The following STPG2 variants were observed in gnomAD, a reference collection of about 807,000 sequenced individuals.
STPG2 encodes sperm tail PG-rich repeat containing 2.
In STPG2, 56 loss-of-function variants were observed where a neutral mutation model predicts 54.2. The ratio of observed to expected loss-of-function variants is 1.03; its 90% CI spans 0.83 to 1.29. The LOEUF is 1.29. STPG2 is among the 50% of genes most tolerant of loss of function. STPG2 has a pLI of 0.00. For missense variants in STPG2, 596 were observed against 544.9 expected, an observed-to-expected ratio of 1.09 and a Z score of -0.93; for synonymous variants, 200 against 181.8, an observed-to-expected ratio of 1.10 and a Z score of -0.81.
At chr4:97,884,465 C>T (rs1350644524) in intron 8 of STPG2, among the ~76,000 whole-genome samples, 1 of 152,022 alleles carries the variant, frequency 6.6e-6, no homozygotes, top group Non-Finnish European at 1.5e-5. Flanking sequence ...TACAGAAAAA[C>T]CATGTGAAGA....
intron 8 of STPG2, among the ~76,000 whole-genome samples, chr4:97,902,255 G>C (rs1337200226): frequency 6.6e-6 from 1 of 152,092 alleles, no homozygotes; most frequent in African/African-American, 2.4e-5. Context: ...ATAATCTCAT[G>C]GATCTGAGAT....
intron 1 of STPG2, among the ~76,000 whole-genome samples, chr4:98,135,244 A>C (rs186505744): frequency 6.6e-6 from 1 of 151,922 alleles, no homozygotes; most frequent in East Asian, 1.9e-4. Context: ...GTGCTACTGT[A>C]AGAATGTATG....
chr4:97,767,978 C>T (rs1010511360), intron 9 of STPG2, among the ~76,000 whole-genome samples: 7 of 152,058 alleles, frequency 4.6e-5, no homozygotes, highest in Admixed American at 2.6e-4. Context: ...TCATCCTGGC[C>T]AACATGGTGA....
At chr4:97,908,517 A>G (rs1731541352) in intron 8 of STPG2, among the ~76,000 whole-genome samples, 1 of 151,948 alleles carries the variant, frequency 6.6e-6, no homozygotes, top group South Asian at 2.1e-4. Context: ...ATTACTGGGT[A>G]TATACCCAAA....
intron 5 of STPG2, among the ~76,000 whole-genome samples, chr4:98,094,100 G>A (rs34164616): frequency 0.4 from 60,158 of 151,910 alleles, 12,146 homozygotes; most frequent in Middle Eastern, 0.46. Flanking sequence ...AGCTTGTGCC[G>A]TGCCTCCCAC....
intron 4 of STPG2, among the ~76,000 whole-genome samples, chr4:97,455,413 C>A (rs745761893): frequency 6.6e-6 from 1 of 151,932 alleles, no homozygotes; most frequent in South Asian, 2.1e-4. Flanking sequence ...GAGACACAAG[C>A]GGCTGGATGT....
intron 8 of STPG2, among the ~76,000 whole-genome samples, chr4:97,939,137 T>A (rs760480807): frequency 6.6e-6 from 1 of 152,230 alleles, no homozygotes; most frequent in Non-Finnish European, 1.5e-5. Context: ...TTTTTTATAG[T>A]CTTGACATCT....
At chr4:97,628,265 A>G (rs1734184810) in intron 10 of STPG2, among the ~76,000 whole-genome samples, 1 of 152,130 alleles carries the variant, frequency 6.6e-6, no homozygotes, top group Non-Finnish European at 1.5e-5. Context: ...TGTGAGACTG[A>G]GTAAGACATC....
intron 9 of STPG2, among the ~76,000 whole-genome samples, chr4:97,795,505 G>T (rs755909088): frequency 5.2e-4 from 79 of 152,278 alleles, no homozygotes; most frequent in South Asian, 8.3e-4. Context: ...CTTCATCCAT[G>T]TCCCTACAAA....
At chr4:97,906,895 C>A (rs1482097548) in intron 8 of STPG2, among the ~76,000 whole-genome samples, 1 of 151,986 alleles carries the variant, frequency 6.6e-6, no homozygotes, top group South Asian at 2.1e-4. Context: ...CTATGACAAA[C>A]CCACAGCCAA....
intron 3 of STPG2, among the ~76,000 whole-genome samples, chr4:98,126,461 C>A (rs1739831611): frequency 1.3e-5 from 2 of 152,176 alleles, no homozygotes; most frequent in Admixed American, 6.5e-5. Context: ...GACAGGGTAA[C>A]ACAATCACTC....
intron 4 of STPG2, among the ~76,000 whole-genome samples, chr4:97,519,949 TA>T (rs1731148652): frequency 2.6e-5 from 4 of 152,108 alleles, no homozygotes; most frequent in African/African-American, 4.8e-5. Context: ...ATTTGTTGTG[TA>T]ACCTTGAGTA....
intron 4 of STPG2, among the ~76,000 whole-genome samples, chr4:97,534,906 C>CCATA (rs1731494931): frequency 1.3e-5 from 2 of 152,242 alleles, no homozygotes; most frequent in Non-Finnish European, 2.9e-5. Flanking sequence ...ATTTCATTTA[C>CCATA]CATAGTTCAT....
intron 8 of STPG2, among the ~76,000 whole-genome samples, chr4:97,875,589 G>T (rs1730145354): frequency 6.6e-6 from 1 of 151,850 alleles, no homozygotes; most frequent in Non-Finnish European, 1.5e-5. Context: ...TCTTCCAGAG[G>T]AAAAATTATA....
chr4:98,010,234 A>G (rs1735702766), intron 5 of STPG2, among the ~76,000 whole-genome samples: 1 of 152,066 alleles, frequency 6.6e-6, no homozygotes, highest in African/African-American at 2.4e-5. Flanking sequence ...ATTTATTGAT[A>G]TAAAATTCCC....
chr4:97,545,990 G>A (rs1731825722), intron 4 of STPG2, among the ~76,000 whole-genome samples: 1 of 151,522 alleles, frequency 6.6e-6, no homozygotes, highest in Non-Finnish European at 1.5e-5. Flanking sequence ...GCCAGAAGTA[G>A]GACACACATA....
chr4:97,659,891 C>A (rs1199858127), intron 10 of STPG2, among the ~76,000 whole-genome samples: 1 of 152,166 alleles, frequency 6.6e-6, no homozygotes, highest in Non-Finnish European at 1.5e-5. Context: ...GGACAGAGTA[C>A]ATCCATCACT....
At chr4:97,567,620 A>T (rs562812705) in intron 10 of STPG2, among the ~76,000 whole-genome samples, 1 of 151,984 alleles carries the variant, frequency 6.6e-6, no homozygotes, top group South Asian at 2.1e-4. Context: ...TGGTTAAATA[A>T]ACTATGCTGG....
intron 8 of STPG2, among the ~76,000 whole-genome samples, chr4:97,885,304 T>C (rs552122802): frequency 2.0e-5 from 3 of 152,208 alleles, no homozygotes; most frequent in East Asian, 1.9e-4. Flanking sequence ...GCCACAACCA[T>C]AAAATAGTAT....
Sources: allele counts gnomAD v4.1 joint callset (sites outside exome capture counted in the v4.1 genomes callset), GRCh38; gene constraint gnomAD v4.1.1; transcripts MANE v1.5; gene names NCBI Gene and HGNC (gene_info 2026-07-23, HGNC 2026-07-21).